Variants in PCDHA2 observed in about 807,000 individuals in gnomAD.
The protein encoded by PCDHA2 is protocadherin alpha 2.
Under a neutral mutation model 66.0 loss-of-function variants are expected in PCDHA2, and 58 were observed. The observed-to-expected ratio is 0.88, with a 90% confidence interval of 0.71 to 1.09. The LOEUF is 1.09. PCDHA2 is among the 50% of genes least tolerant of loss of function. The pLI is 0.00. For synonymous variants in PCDHA2, 634 were observed against 554.0 expected (o/e 1.14, Z -2.03); for missense variants, 1,267 against 1,242.3 (o/e 1.02, Z -0.30).
intron 1 of PCDHA2, chr5:140,928,449 G>A (rs1225507568): frequency 3.7e-6 from 6 of 1,614,136 alleles, no homozygotes; most frequent in Non-Finnish European, 5.1e-6. Context: ...AGCAGCTCAG[G>A]GGGTTTCATT....
rs1033698977 is a variant in PCDHA2 at position 140,868,958 on chromosome 5, T to A, written c.2388+71606T>A. ...TGGTCTGAACAGTGAGGCACTCCCA[T>A]ACAAAGGAACTCCATCATACCGGAT... On this transcript the variant is annotated intron_variant, in intron 1 of 3. Coordinates refer to ENST00000526136, the MANE Select transcript of PCDHA2 (RefSeq NM_018905.3). The A allele has an allele frequency of 4.3e-6, 6 of 1,397,388 alleles. No individual in the cohort carries two copies. The African/African-American group carries it at 8.6e-5, about 20-fold the overall frequency. The allele number at this position is 1,397,388 out of a possible 1,614,324, so 86.6% of individuals were successfully genotyped here.
In PCDHA2 at chr5:140,795,086, A is replaced by G. The variant is rs1761913438; in HGVS notation, c.122A>G (p.His41Arg). 3 of 1,613,986 alleles carry G rather than the reference A, an allele frequency of 1.9e-6. No individual in the cohort carries two copies. Among genetic ancestry groups the G allele is most frequent in the Non-Finnish European group, 2.5e-6 (3 of 1,180,040 alleles). Reference protein sequence around the residue: ...LRYSVPEEAKHGTFVGRIAQD... With the variant: ...LRYSVPEEAKRGTFVGRIAQD... ...TACTCCGTCCCCGAGGAGGCCAAAC[A>G]CGGCACCTTCGTGGGCCGCATCGCG... Residue 41 changes from histidine (H) to arginine (R), a missense_variant, in exon 1 of 4, where the codon CAC (histidine) becomes CGC (arginine). His to Arg is a conservative substitution (Grantham distance 29). Coordinates refer to ENST00000526136, the MANE Select transcript of PCDHA2 (RefSeq NM_018905.3).
rs80155737 is a variant in PCDHA2, at chr5:140,924,458, T to C, written c.2389-54491T>C. Among the ~76,000 whole-genome samples, 1,228 of 152,310 alleles carry C rather than the reference T, an allele frequency of 8.1e-3. 6 individuals are homozygous for C. Among genetic ancestry groups the C allele is most frequent in the African/African-American group, 0.019 (794 of 41,566 alleles). On this transcript the variant is annotated intron_variant, in intron 1 of 3. Coordinates refer to ENST00000526136, the MANE Select transcript of PCDHA2 (RefSeq NM_018905.3). The stretch of plus-strand genomic sequence containing the variant: ...GAGATAACGAATGGGTTTGTGTGTT[T>C]AGGGAGGTAACTGGTTTTTAGTGGA...
At position 140,836,427 on chromosome 5, in the gene PCDHA2, G is replaced by T. The variant is rs2150260736; in HGVS notation, c.2388+39075G>T. ...CCAGGCACCAAAGGCGTCGTCGCGG[G>T]CATCGTTGGGCATTGCAGGCCCAGA... On this transcript the variant is annotated intron_variant, in intron 1 of 3. Coordinates refer to ENST00000526136, the MANE Select transcript of PCDHA2 (RefSeq NM_018905.3). 2.5e-6 allele frequency: 4 copies of T among 1,613,858 alleles called. No individual in the cohort carries two copies. In the South Asian group the frequency reaches 3.3e-5, roughly 13 times the overall value.
At position 140,884,500 on chromosome 5, in the gene PCDHA2, G is replaced by T. The variant is rs782378726; in HGVS notation, c.2388+87148G>T. 34 of 1,614,122 alleles carry T rather than the reference G, an allele frequency of 2.1e-5. No homozygotes were observed. The South Asian group carries it at 2.5e-4, about 12-fold the overall frequency. On this transcript the variant is annotated intron_variant, in intron 1 of 3. Coordinates refer to ENST00000526136, the MANE Select transcript of PCDHA2 (RefSeq NM_018905.3). ...AGCCCACTCTAGTGTGCTCCAGCGC[G>T]GCAGGGAGTTGGTCGTACTCGCAGC...
At chr5:140,884,204 C>T in intron 1 of PCDHA2, 1 of 1,613,500 alleles carries the variant, frequency 6.2e-7, no homozygotes, top group Non-Finnish European at 8.5e-7. Flanking sequence ...GCCGCACCAC[C>T]GCCTTCTGGT....
chr5:140,851,789 C>G, intron 1 of PCDHA2: 1 of 955,732 alleles, frequency 1.0e-6, no homozygotes, highest in Non-Finnish European at 1.3e-6. Context: ...TGAGAATTCA[C>G]TTGTTCTGTC....
chr5:140,859,139 T>G (rs2045740585), intron 1 of PCDHA2: 1 of 150,214 alleles, frequency 6.7e-6, no homozygotes, highest in African/African-American at 2.4e-5. Context: ...TTACATAATT[T>G]TATCCAGTAG....
At chr5:140,886,501 T>C (rs1171128056) in intron 1 of PCDHA2, among the ~76,000 whole-genome samples, 1 of 152,108 alleles carries the variant, frequency 6.6e-6, no homozygotes, top group Non-Finnish European at 1.5e-5. Flanking sequence ...TCTTTTTCCT[T>C]TTATGGATTT....
At chr5:140,810,363 T>C (rs1453953987) in intron 1 of PCDHA2, 3 of 152,234 alleles carry the variant, frequency 2.0e-5, no homozygotes, top group Non-Finnish European at 4.4e-5. Context: ...GTTGTGTTTG[T>C]GGGTCACAGA....
intron 1 of PCDHA2, chr5:140,849,776 G>T: frequency 6.3e-7 from 1 of 1,598,464 alleles, no homozygotes; most frequent in Non-Finnish European, 8.6e-7. Flanking sequence ...TGGTTACCGC[G>T]CGGGACGGGG....
intron 1 of PCDHA2, chr5:140,871,434 A>G (rs781977570): frequency 1.9e-6 from 3 of 1,612,514 alleles, no homozygotes; most frequent in Non-Finnish European, 2.5e-6. Context: ...GTCTTCCTCT[A>G]GGTCTGAATA....
intron 1 of PCDHA2, among the ~76,000 whole-genome samples, chr5:140,891,611 T>G (rs1457156522): frequency 6.6e-6 from 1 of 152,226 alleles, no homozygotes; most frequent in East Asian, 1.9e-4. Context: ...TTTCTACCTT[T>G]TATTTTAACA....
chr5:140,882,818 A>G, intron 1 of PCDHA2: 1 of 1,614,226 alleles, frequency 6.2e-7, no homozygotes, highest in Non-Finnish European at 8.5e-7. Flanking sequence ...GGACGCACAA[A>G]ACAGTCTTGA....
At chr5:140,945,440 T>C (rs932464631) in intron 1 of PCDHA2, among the ~76,000 whole-genome samples, 1 of 151,948 alleles carries the variant, frequency 6.6e-6, no homozygotes, top group African/African-American at 2.4e-5. Context: ...TACAGAAATA[T>C]AAAAAACTTC....
intron 1 of PCDHA2, among the ~76,000 whole-genome samples, chr5:140,890,513 C>T (rs1376774987): frequency 2.0e-5 from 3 of 151,948 alleles, no homozygotes; most frequent in Non-Finnish European, 4.4e-5. Flanking sequence ...GTCTCTATTT[C>T]CTTCCTTTGT....
intron 1 of PCDHA2, chr5:140,862,777 C>A: frequency 1.7e-6 from 1 of 577,324 alleles, no homozygotes. Context: ...CGCGTTGCAG[C>A]CACTGGACTA....
At chr5:140,956,985 A>G (rs1554222760) in intron 1 of PCDHA2, among the ~76,000 whole-genome samples, 2 of 152,224 alleles carry the variant, frequency 1.3e-5, no homozygotes, top group African/African-American at 2.4e-5. Flanking sequence ...AGTAAAATAA[A>G]TTCAAGGAAG....
chr5:140,842,533 C>T, intron 1 of PCDHA2: 2 of 1,613,062 alleles, frequency 1.2e-6, no homozygotes, highest in Non-Finnish European at 1.7e-6. Context: ...TCAAGAATTA[C>T]TACTCGTTGG....
Sources: allele counts gnomAD v4.1 joint callset (sites outside exome capture counted in the v4.1 genomes callset), GRCh38; gene constraint gnomAD v4.1.1; transcripts MANE v1.5; gene names NCBI Gene and HGNC (gene_info 2026-07-23, HGNC 2026-07-21).